FBLN1: variants seen among roughly 807,000 people sequenced by gnomAD.
The protein encoded by FBLN1 is fibulin-1.
A neutral mutation model predicts 89.7 loss-of-function variants in FBLN1; 34 were observed. That is an observed-to-expected ratio of 0.38 (90% CI 0.29 to 0.50). The LOEUF (loss-of-function observed/expected upper bound fraction) is 0.50, where lower values mean the gene tolerates loss of function less well. FBLN1 is among the 20% of genes least tolerant of loss of function. The probability of loss-of-function intolerance (pLI) is 0.92; values close to 1 mark genes in which losing one functional copy is unlikely to be tolerated. For synonymous variants in FBLN1, 393 were observed against 391.3 expected, an observed-to-expected ratio of 1.00 and a Z score of -0.05; for missense variants, 777 against 988.1, an observed-to-expected ratio of 0.79 and a Z score of 2.86.
At position 45,575,389 on chromosome 22, in the gene FBLN1, T is replaced by C. The variant is rs1446683974; in HGVS notation, c.1840+736T>C. 6.6e-6 allele frequency among the ~76,000 whole-genome samples: 1 copy of C among 151,672 alleles called. No individual in the cohort carries two copies. The highest frequency in any genetic ancestry group is 1.5e-5 in the Non-Finnish European group (1 of 67,932). On this transcript the variant is annotated intron_variant, in intron 15 of 16. Transcript: ENST00000327858. This position sits in a 1 kb window ranked among gnomAD's most constrained non-coding sequence, Gnocchi z 6.3. The stretch of plus-strand genomic sequence containing the variant: ...GGTCTGGAGGTATGGGGGGGCGGTG[T>C]GGGCGTTTGAGAAACTGAGCCAAGG...
At position 45,532,172 on chromosome 22, in the gene FBLN1, T is replaced by TGGTCCAGGGGCGC. The variant is rs1569242626; in HGVS notation, c.544+849_544+861dup. On this transcript the variant is annotated intron_variant, in intron 5 of 16. Transcript: ENST00000327858. This position sits in a 1 kb window ranked among gnomAD's most constrained non-coding sequence, Gnocchi z 4.2. ...GATGCAGTCAGTGTACAGTGACAGT[T>TGGTCCAGGGGCGC]GGTCCAGGGGCGCTGTCCAGGGGCC... 6.6e-6 allele frequency among the ~76,000 whole-genome samples: 1 copy of TGGTCCAGGGGCGC among 152,110 alleles called. No individual in the cohort carries two copies. Among genetic ancestry groups the TGGTCCAGGGGCGC allele is most frequent in the Non-Finnish European group, 1.5e-5 (1 of 68,016 alleles).
intron 1 of FBLN1, among the ~76,000 whole-genome samples, chr22:45,505,932 C>A (rs755270352): frequency 6.6e-6 from 1 of 152,162 alleles, no homozygotes; most frequent in Non-Finnish European, 1.5e-5. Flanking sequence ...TCACGCCCAG[C>A]TAATTTTTGT....
chr22:45,517,832 A>C, intron 1 of FBLN1: 1 of 353,910 alleles, frequency 2.8e-6, no homozygotes, highest in South Asian at 2.1e-5. Flanking sequence ...AAGCTGGTCT[A>C]GAAATGGTGG....
At chr22:45,529,147 A>C (rs2238817) in intron 4 of FBLN1, among the ~76,000 whole-genome samples, 1 of 152,106 alleles carries the variant, frequency 6.6e-6, no homozygotes, top group Non-Finnish European at 1.5e-5. Flanking sequence ...AAGATCGCAC[A>C]GCCGACACGT....
intron 2 of FBLN1, among the ~76,000 whole-genome samples, chr22:45,521,772 G>T (rs962473767): frequency 6.6e-6 from 1 of 152,210 alleles, no homozygotes. Context: ...GGCAAGGGCT[G>T]TGGATGCGGG....
At chr22:45,518,554 G>A in intron 1 of FBLN1, 128 bp from the exon 2 acceptor site, 2 of 734,772 alleles carry the variant, frequency 2.7e-6, no homozygotes, top group Non-Finnish European at 4.8e-6. Flanking sequence ...GAGTGACTAA[G>A]GGATGTGCCC....
rs1243163243 is a variant in FBLN1 at position 45,536,891 on chromosome 22, T to C, written c.922+1554T>C. On this transcript the variant is annotated intron_variant, in intron 8 of 16. Coordinates refer to ENST00000327858, the MANE Select transcript of FBLN1 (RefSeq NM_006486.3). This position sits in a 1 kb window ranked among gnomAD's most constrained non-coding sequence, Gnocchi z 5.1. ...GACCGCTCACGCTAGAGGAGCTGTG[T>C]GGGGTGCGGCCGGGGAGCTGGCCGG... 6.6e-6 allele frequency among the ~76,000 whole-genome samples: 1 copy of C among 152,198 alleles called. No homozygotes were observed. The highest frequency in any genetic ancestry group is 1.5e-5 in the Non-Finnish European group (1 of 68,024).
intron 9 of FBLN1, 130 bp from the exon 10 acceptor site, chr22:45,542,025 G>A: frequency 7.2e-7 from 1 of 1,391,528 alleles, no homozygotes; most frequent in South Asian, 1.2e-5. Flanking sequence ...GGTGCTCTGT[G>A]AAGTCGTGTT....
intron 14 of FBLN1, chr22:45,565,710 A>G: frequency 6.6e-6 from 1 of 150,420 alleles, no homozygotes; most frequent in Non-Finnish European, 1.4e-5. Flanking sequence ...GGATGGATGG[A>G]CAGACCAATG....
rs544577731 is a variant in FBLN1, at chr22:45,524,858, G to A, written c.186-685G>A. 3.3e-5 allele frequency among the ~76,000 whole-genome samples: 5 copies of A among 152,264 alleles called. No homozygotes were observed. The East Asian group carries it at 9.7e-4, about 29-fold the overall frequency. On this transcript the variant is annotated intron_variant, in intron 2 of 16. Transcript: ENST00000327858. ...CCAGCACTTCGGGAGGCTGAGGCGG[G>A]GGGATCACCCGAGCTCAGGAGTTCC...
At chr22:45,596,930 T>C (rs2089192559) in intron 16 of FBLN1, among the ~76,000 whole-genome samples, 1 of 149,184 alleles carries the variant, frequency 6.7e-6, no homozygotes, top group African/African-American at 2.4e-5. Context: ...TTTAATATAT[T>C]GTTTTATATG....
intron 14 of FBLN1, among the ~76,000 whole-genome samples, chr22:45,554,114 C>G (rs572565123): frequency 6.6e-6 from 1 of 152,372 alleles, no homozygotes; most frequent in African/African-American, 2.4e-5. Context: ...GTTCTGCATC[C>G]TCAATGGGCG....
intron 3 of FBLN1, among the ~76,000 whole-genome samples, chr22:45,525,882 C>T (rs2088320548): frequency 1.3e-5 from 2 of 152,248 alleles, no homozygotes; most frequent in African/African-American, 4.8e-5. Context: ...CCCCGGAGGA[C>T]ACCTGGGGCC....
intron 14 of FBLN1, among the ~76,000 whole-genome samples, chr22:45,553,869 C>A (rs748008693): frequency 1.3e-5 from 2 of 152,190 alleles, no homozygotes; most frequent in Non-Finnish European, 2.9e-5. Flanking sequence ...CAAATTCCAT[C>A]CCTGGTTAGT....
chr22:45,582,332 C>T (rs1033605024), intron 16 of FBLN1, among the ~76,000 whole-genome samples: 4 of 152,198 alleles, frequency 2.6e-5, no homozygotes, highest in Admixed American at 1.3e-4. Flanking sequence ...ACAGTGCTCC[C>T]GGCCATGGGA....
chr22:45,565,084 G>A lies in FBLN1; in HGVS notation c.1698-9427G>A, dbSNP rs576585497. The A allele has an allele frequency of 2.5e-5, 40 of 1,596,956 alleles. No individual in the cohort carries two copies. In the African/African-American group the frequency reaches 3.5e-4, roughly 14 times the overall value. On this transcript the variant is annotated intron_variant, in intron 14 of 16. Coordinates refer to ENST00000327858, the MANE Select transcript of FBLN1 (RefSeq NM_006486.3). Reference sequence around the variant, plus strand: ...CGGGAGCATGAGCCCTTTTCCCCACGGCCCTTGCCACTGTCTCCTGGCCCT... The same window carrying A: ...CGGGAGCATGAGCCCTTTTCCCCACAGCCCTTGCCACTGTCTCCTGGCCCT...
chr22:45,515,387 C>T (rs1231227630), intron 1 of FBLN1, among the ~76,000 whole-genome samples: 1 of 152,192 alleles, frequency 6.6e-6, no homozygotes, highest in Non-Finnish European at 1.5e-5. Context: ...AGCTCTGGGG[C>T]TGCTCAGAAC....
intron 14 of FBLN1, among the ~76,000 whole-genome samples, chr22:45,568,140 G>A (rs193234935): frequency 6.6e-6 from 1 of 152,212 alleles, no homozygotes; most frequent in Non-Finnish European, 1.5e-5. Context: ...ATGTCAGGAG[G>A]TGAGCTCTGC....
chr22:45,551,597 T>G (rs564740923), intron 14 of FBLN1, among the ~76,000 whole-genome samples: 1 of 152,210 alleles, frequency 6.6e-6, no homozygotes, highest in East Asian at 1.9e-4. Context: ...TTTCCCTGTT[T>G]CCCAGCACGG....
Sources: gnomAD v4.1 joint callset for allele counts (sites outside exome capture counted in the v4.1 genomes callset) on GRCh38, gnomAD v4.1.1 for gene constraint, Gnocchi (gnomAD v3.1) non-coding constraint, MANE v1.5 for transcripts, NCBI Gene and HGNC (gene_info 2026-07-23, HGNC 2026-07-21) for gene names.